The following ABCC1 variants were observed in gnomAD, a reference collection of about 807,000 sequenced individuals.
The protein encoded by ABCC1 is multidrug resistance-associated protein 1.
A neutral mutation model predicts 172.9 loss-of-function variants in ABCC1; 83 were observed. The ratio of observed to expected loss-of-function variants is 0.48; its 90% CI spans 0.40 to 0.58. ABCC1 has a LOEUF of 0.58. Among genes scored for constraint, ABCC1 ranks in the 20% least tolerant of loss-of-function variants. The pLI is 0.00. For synonymous variants in ABCC1, 937 were observed against 825.2 expected (o/e 1.14, Z -2.32); for missense variants, 1,817 against 2,002.7 (o/e 0.91, Z 1.77).
chr16:16,083,601 C>T (rs1387944916), intron 17 of ABCC1, 59 bp downstream of exon 17: 7 of 1,572,482 alleles, frequency 4.5e-6, no homozygotes, highest in African/African-American at 1.3e-5. Flanking sequence ...GTAACAAATG[C>T]TCTCACAATC....
chr16:15,982,802 T>TAAAAAAAAAAAAAA (rs1407564997), intron 1 of ABCC1, among the ~76,000 whole-genome samples: 2 of 4,558 alleles, frequency 4.4e-4, no homozygotes, highest in Non-Finnish European at 6.4e-4. Context: ...TGAGACGCTG[T>TAAAAAAAAAAAAAA]CAAAAAAAAA....
chr16:16,009,702 T>G (rs2047696434), intron 2 of ABCC1, 74 bp from the exon 3 acceptor site: 690 of 1,436,670 alleles, frequency 4.8e-4, no homozygotes, highest in Non-Finnish European at 5.7e-4. Flanking sequence ...TCCCTGGGGC[T>G]GAGCTGTTCG....
chr16:16,056,260 G>T lies in ABCC1; in HGVS notation c.1642G>T (p.Val548Leu), dbSNP rs776222198. 6 of 1,614,120 alleles carry T rather than the reference G, an allele frequency of 3.7e-6. No individual in the cohort carries two copies. Among genetic ancestry groups the T allele is most frequent in the Middle Eastern group, 1.6e-4 (1 of 6,084 alleles). ...GAAGAAGTCTGCCTACCTGTCAGCC[G>T]TGGGCACCTTCACCTGGGTCTGCAC... ...VLKKSAYLSAVGTFTWVCTPF... is the reference protein window; with the variant it reads ...VLKKSAYLSALGTFTWVCTPF... The change falls in exon 12 of 31, where the codon GTG (valine) becomes TTG (leucine). Residue 548 changes from valine (V) to leucine (L), a missense_variant. Physicochemically the swap from Val to Leu is conservative, Grantham distance 32. Around this residue, in one of 3 missense-constraint regions of ABCC1, gnomAD observed 1,412 missense variants for 1,600.3 expected, o/e 0.88. Transcript: ENST00000399410.
Position 16,052,594 on chromosome 16 carries a change from G to A in ABCC1, c.1381-130G>A, listed in dbSNP as rs143132668. On this transcript the variant is annotated intron_variant, in intron 10 of 30. Coordinates refer to ENST00000399410, the MANE Select transcript of ABCC1 (RefSeq NM_004996.4). ...CAGGCTCTTAACACCCTATTGTGGG[G>A]TAAAAGTAACACACCTTGCCCTGAA... is the stretch of plus-strand genomic sequence containing the variant. The A allele has an allele frequency of 1.5e-4, 115 of 763,668 alleles. 1 individual carries two copies. The highest frequency in any genetic ancestry group is 1.3e-3 in the African/African-American group (78 of 58,206). The allele number at this position is 763,668 out of a possible 1,614,324, so 47.3% of individuals were successfully genotyped here.
rs2047596203 is a variant in ABCC1, at chr16:16,007,708, G to A, written c.49-108G>A. 33 of 1,084,300 alleles carry A rather than the reference G, an allele frequency of 3.0e-5. 1 individual carries two copies. Among genetic ancestry groups the A allele is most frequent in the Middle Eastern group, 2.4e-4 (1 of 4,134 alleles). The allele number at this position is 1,084,300 out of a possible 1,614,324, so 67.2% of individuals were successfully genotyped here. ...CTGAAAGGTCCTTGGATATATAGGAGCCTTGTCTGTTTCTTCAAACCCCGT... is the reference window on the plus strand; with the variant it reads ...CTGAAAGGTCCTTGGATATATAGGAACCTTGTCTGTTTCTTCAAACCCCGT... On this transcript the variant is annotated intron_variant, in intron 1 of 30. Coordinates refer to ENST00000399410, the MANE Select transcript of ABCC1 (RefSeq NM_004996.4).
rs147161637 is a variant in ABCC1, at chr16:16,043,222, GTTTT to G, written c.810-1210_810-1207del. Reference sequence around the variant, plus strand: ...CTGTGTTGCTCTGGCTGGCTGGACTGTTTTTTTTTTTTTTTTTTTTTCCACTGAT... The same window carrying G: ...CTGTGTTGCTCTGGCTGGCTGGACTGTTTTTTTTTTTTTTTTTCCACTGAT... On this transcript the variant is annotated intron_variant, in intron 7 of 30. Coordinates refer to ENST00000399410, the MANE Select transcript of ABCC1 (RefSeq NM_004996.4). Among the ~76,000 whole-genome samples, 236 of 89,502 alleles carry G rather than the reference GTTTT, an allele frequency of 2.6e-3. 1 individual carries two copies. The highest frequency in any genetic ancestry group is 0.011 in the African/African-American group (221 of 19,698). 58.7% of individuals were successfully genotyped at this position (89,502 alleles called of 152,430 possible). A position where few individuals can be genotyped will look rare whatever the true frequency, so the allele number is the denominator to read the frequency against.
In ABCC1 at chr16:16,111,357, A is replaced by G. The variant is rs758370862; in HGVS notation, c.2872-18A>G. On this transcript the variant is annotated intron_variant, in intron 21 of 30. Coordinates refer to ENST00000399410, the MANE Select transcript of ABCC1 (RefSeq NM_004996.4). ...GTGCGTGCATGTGCTAAGCTGCCTTATCTCCTGTGATCTCCAGGTCAAGCT... is the reference window on the plus strand; with the variant it reads ...GTGCGTGCATGTGCTAAGCTGCCTTGTCTCCTGTGATCTCCAGGTCAAGCT... 14 of 1,612,270 alleles carry G rather than the reference A, an allele frequency of 8.7e-6. No homozygotes were observed. The highest frequency in any genetic ancestry group is 7.7e-5 in the South Asian group (7 of 91,040).
At chr16:16,045,752 A>C (rs762854282) in intron 8 of ABCC1, 84 bp from the exon 9 acceptor site, 2 of 1,343,862 alleles carry the variant, frequency 1.5e-6, no homozygotes, top group Non-Finnish European at 2.1e-6. Flanking sequence ...GCTCAGGAGA[A>C]AGTTGCAGTG....
Position 16,013,307 on chromosome 16 carries a change from G to A in ABCC1, c.352-1184G>A, listed in dbSNP as rs923521608. On this transcript the variant is annotated intron_variant, in intron 3 of 30. Coordinates refer to ENST00000399410, the MANE Select transcript of ABCC1 (RefSeq NM_004996.4). ...TTTCTTTGAGATAGCGTCTCACTCT[G>A]TCGCCCAGGCTGGAATGCAGTGGCA... Among the ~76,000 whole-genome samples the A allele has an allele frequency of 4.0e-5, 6 of 149,434 alleles. No individual in the cohort carries two copies. The South Asian group carries it at 1.3e-3, about 32-fold the overall frequency.
intron 3 of ABCC1, among the ~76,000 whole-genome samples, chr16:16,014,133 A>G (rs933965434): frequency 6.6e-6 from 1 of 152,150 alleles, no homozygotes; most frequent in African/African-American, 2.4e-5. Context: ...AGTCCAAAAT[A>G]TTTATTACGT....
chr16:16,034,970 CAG>C (rs557756589), intron 6 of ABCC1, among the ~76,000 whole-genome samples: 68 of 152,220 alleles, frequency 4.5e-4, no homozygotes, highest in Non-Finnish European at 8.2e-4. Context: ...TGGATACAGA[CAG>C]AGAATGATAC....
intron 1 of ABCC1, among the ~76,000 whole-genome samples, chr16:15,978,915 C>T (rs1176556896): frequency 2.0e-5 from 3 of 152,088 alleles, no homozygotes; most frequent in South Asian, 2.1e-4. Context: ...CAGCCTAAAA[C>T]GTCAGTAGTG....
intron 12 of ABCC1, 26 bp downstream of exon 12, chr16:16,056,321 C>T (rs752849936): frequency 1.2e-6 from 2 of 1,612,472 alleles, no homozygotes; most frequent in East Asian, 2.2e-5. Context: ...TTTTTCCTGG[C>T]CCTCATTGTT....
chr16:16,110,834 G>A (rs896520017), intron 21 of ABCC1, among the ~76,000 whole-genome samples: 1 of 152,160 alleles, frequency 6.6e-6, no homozygotes, highest in African/African-American at 2.4e-5. Flanking sequence ...CATTTATCTG[G>A]GATGATTTTA....
At chr16:16,026,458 C>T (rs1415306040) in intron 5 of ABCC1, among the ~76,000 whole-genome samples, 16 of 52,594 alleles carry the variant, frequency 3.0e-4, no homozygotes, top group East Asian at 5.3e-4. Flanking sequence ...AAAAAAAAGG[C>T]TATTTCCTTT....
chr16:15,967,761 A>G (rs1165420428), intron 1 of ABCC1, among the ~76,000 whole-genome samples: 1 of 125,020 alleles, frequency 8.0e-6, no homozygotes, highest in Non-Finnish European at 1.6e-5. Context: ...CTGTCTCCAA[A>G]AAAAAAAAAA....
intron 25 of ABCC1, among the ~76,000 whole-genome samples, chr16:16,125,156 T>C (rs922076026): frequency 2.6e-5 from 4 of 152,196 alleles, no homozygotes; most frequent in Non-Finnish European, 5.9e-5. Context: ...AGAGGATACT[T>C]CCAGGTACGA....
At chr16:15,972,183 G>A (rs129116) in intron 1 of ABCC1, among the ~76,000 whole-genome samples, 98,077 of 151,782 alleles carry the variant, frequency 0.65, 32,430 homozygotes, top group South Asian at 0.78. Context: ...GAGTGGACAC[G>A]GTATTCAAAC....
intron 1 of ABCC1, among the ~76,000 whole-genome samples, chr16:16,006,877 C>CGGTGGTGGTGGCGGTGATGGTGGT (rs1417382268): frequency 6.7e-6 from 1 of 149,392 alleles, no homozygotes; most frequent in African/African-American, 2.5e-5. Flanking sequence ...GTGGCGGTGG[C>CGGTGGTGGTGGCGGTGATGGTGGT]GGTGATGGTG....
Sources: allele counts gnomAD v4.1 joint callset (sites outside exome capture counted in the v4.1 genomes callset), GRCh38; gene constraint gnomAD v4.1.1; regional missense constraint gnomAD v4.1.1; transcripts MANE v1.5; gene names NCBI Gene and HGNC (gene_info 2026-07-23, HGNC 2026-07-21).